ELOVL2: variants seen among roughly 807,000 people sequenced by gnomAD.
ELOVL2 encodes very long chain fatty acid elongase 2.
A neutral mutation model predicts 37.7 loss-of-function variants in ELOVL2; 38 were observed. The observed-to-expected ratio is 1.01, with a 90% CI of 0.78 to 1.32. ELOVL2 has a LOEUF of 1.32. Ranked by LOEUF, ELOVL2 falls within the 40% of genes most tolerant of loss-of-function variation. ELOVL2 has a pLI of 0.00. For missense variants in ELOVL2, 352 were observed against 363.6 expected (o/e 0.97, Z 0.26); for synonymous variants, 115 against 122.3 (o/e 0.94, Z 0.40).
At chr6:11,032,657 C>T (rs1782948016) in intron 1 of ELOVL2, among the ~76,000 whole-genome samples, 1 of 152,206 alleles carries the variant, frequency 6.6e-6, no homozygotes, top group African/African-American at 2.4e-5. Flanking sequence ...AGTGACTTTA[C>T]ATGCCTGTTC....
At chr6:11,009,850 T>C (rs983474762) in intron 2 of ELOVL2, among the ~76,000 whole-genome samples, 5 of 152,042 alleles carry the variant, frequency 3.3e-5, no homozygotes, top group Non-Finnish European at 5.9e-5. Flanking sequence ...CTTAGGTCTT[T>C]AGAATGTCAT....
At chr6:11,032,953 G>A (rs1349249419) in intron 1 of ELOVL2, among the ~76,000 whole-genome samples, 2 of 152,180 alleles carry the variant, frequency 1.3e-5, no homozygotes, top group African/African-American at 4.8e-5. Flanking sequence ...AATTAGAGGT[G>A]TAATTATTTT....
At position 11,020,524 on chromosome 6, in the gene ELOVL2, G is replaced by A. The variant is rs933070994; in HGVS notation, c.4-9715C>T. Among the ~76,000 whole-genome samples, 5 of 152,128 alleles carry A rather than the reference G, an allele frequency of 3.3e-5. No individual in the cohort carries two copies. In the East Asian group the frequency reaches 7.7e-4, roughly 23 times the overall value. On this transcript the variant is annotated intron_variant, in intron 1 of 7. Coordinates refer to ENST00000354666, the MANE Select transcript of ELOVL2 (RefSeq NM_017770.4). ...GTCACTGTCTAATATTTCCATATGG[G>A]TCTTTCCCAGATGCTCAGGGAAGGG...
chr6:11,017,647 T>G (rs955871883), intron 1 of ELOVL2, among the ~76,000 whole-genome samples: 2 of 152,160 alleles, frequency 1.3e-5, no homozygotes, highest in Non-Finnish European at 2.9e-5. Flanking sequence ...TCCTTACATA[T>G]CTCCCCATCA....
At chr6:11,022,707 A>G (rs1419591216) in intron 1 of ELOVL2, among the ~76,000 whole-genome samples, 1 of 152,218 alleles carries the variant, frequency 6.6e-6, no homozygotes, top group Non-Finnish European at 1.5e-5. Flanking sequence ...TAGATTTTAA[A>G]CATTTAAAAT....
chr6:11,005,279 A>G, intron 3 of ELOVL2, 93 bp downstream of exon 3: 1 of 1,134,932 alleles, frequency 8.8e-7, no homozygotes. Flanking sequence ...TCTTAAAGTA[A>G]CCTTGCATAG....
At chr6:10,996,744 G>A (rs1421089861) in intron 4 of ELOVL2, among the ~76,000 whole-genome samples, 1 of 152,050 alleles carries the variant, frequency 6.6e-6, no homozygotes, top group African/African-American at 2.4e-5. Context: ...TTGGGAGGCT[G>A]AGGCAGGTGC....
intron 1 of ELOVL2, among the ~76,000 whole-genome samples, chr6:11,039,677 T>C (rs181858935): frequency 1.2e-4 from 18 of 152,356 alleles, no homozygotes; most frequent in South Asian, 4.1e-4. Flanking sequence ...TTCCCTCTGA[T>C]ATTTCCTGAA....
intron 1 of ELOVL2, among the ~76,000 whole-genome samples, chr6:11,039,888 G>T (rs190961475): frequency 6.6e-6 from 1 of 152,246 alleles, no homozygotes; most frequent in African/African-American, 2.4e-5. Flanking sequence ...CTGACAACAT[G>T]AAAAAGGGCT....
intron 3 of ELOVL2, 140 bp from the exon 4 acceptor site, chr6:11,000,304 A>G: frequency 2.8e-6 from 2 of 725,290 alleles, no homozygotes; most frequent in East Asian, 2.7e-5. Flanking sequence ...TCTCAATCCT[A>G]TCCTCAAACA....
At chr6:10,995,256 C>T (rs1782244551) in intron 4 of ELOVL2, 78 bp from the exon 5 acceptor site, 3 of 1,112,636 alleles carry the variant, frequency 2.7e-6, no homozygotes, top group East Asian at 2.5e-5. Context: ...CGGCCTTCTG[C>T]CTGCTGCCTG....
At chr6:10,990,995 G>A (rs1470066058) in intron 5 of ELOVL2, among the ~76,000 whole-genome samples, 4 of 152,182 alleles carry the variant, frequency 2.6e-5, no homozygotes, top group Admixed American at 1.3e-4. Flanking sequence ...CTGGAGTGGC[G>A]GAGAAACTGG....
intron 7 of ELOVL2, among the ~76,000 whole-genome samples, chr6:10,985,466 G>GA (rs565031682): frequency 6.2e-5 from 4 of 64,766 alleles, no homozygotes; most frequent in Admixed American, 1.9e-4. Context: ...TAATGCCTAG[G>GA]TTTTTATGGT....
chr6:10,990,424 A>C lies in ELOVL2; in HGVS notation c.524T>G (p.Leu175Arg). The C allele has an allele frequency of 6.2e-7, 1 of 1,600,922 alleles. No homozygotes were observed. The highest frequency in any genetic ancestry group is 8.5e-7 in the Non-Finnish European group (1 of 1,176,102). ...PCGQSFFGPT[L>R]NSFIHILMYS... ...CATAAGAATGTGGATAAAACTGTTC[A>C]GTGTTGGTCCAAAGAAACCTATAAA... is the stretch of plus-strand genomic sequence containing the variant. Residue 175 changes from leucine to arginine, a missense_variant, in exon 6 of 8, where the codon CTG becomes CGG. By Grantham distance (102) the Leu-to-Arg change is moderately radical. Coordinates refer to ENST00000354666, the MANE Select transcript of ELOVL2 (RefSeq NM_017770.4).
intron 1 of ELOVL2, among the ~76,000 whole-genome samples, chr6:11,025,073 G>A (rs1782819830): frequency 6.6e-6 from 1 of 152,174 alleles, no homozygotes; most frequent in Non-Finnish European, 1.5e-5. Context: ...ACAAAGCAAT[G>A]TTTTTGTAGG....
At chr6:11,005,327 A>G (rs368958727) in intron 3 of ELOVL2, 45 bp downstream of exon 3, 3 of 1,546,376 alleles carry the variant, frequency 1.9e-6, no homozygotes, top group Non-Finnish European at 2.6e-6. Context: ...TGTTAATAAA[A>G]ACTGCTAGTT....
At chr6:11,000,874 G>C (rs1460713814) in intron 3 of ELOVL2, among the ~76,000 whole-genome samples, 1 of 152,202 alleles carries the variant, frequency 6.6e-6, no homozygotes, top group Non-Finnish European at 1.5e-5. Flanking sequence ...GAAAGTGGTA[G>C]AAGGATGATT....
At chr6:10,999,454 C>A (rs868416118) in intron 4 of ELOVL2, among the ~76,000 whole-genome samples, 2 of 151,516 alleles carry the variant, frequency 1.3e-5, no homozygotes, top group South Asian at 2.1e-4. Context: ...CGGCTCACCA[C>A]AACCTCCGCC....
At position 10,990,287 on chromosome 6, in the gene ELOVL2, T is replaced by C. The variant is rs371668715; in HGVS notation, c.630+31A>G. The C allele has an allele frequency of 1.1e-5, 18 of 1,604,678 alleles. No individual in the cohort carries two copies. The African/African-American group carries it at 1.9e-4, about 17-fold the overall frequency. On this transcript the variant is annotated intron_variant, in intron 6 of 7. Transcript: ENST00000354666. ...TTCCTTTCCCCATCCATAAGCCACA[T>C]GGAGAAAAGCTAAAAGAAGGGACAA...
Sources: gnomAD v4.1 joint callset for allele counts (sites outside exome capture counted in the v4.1 genomes callset) on GRCh38, gnomAD v4.1.1 for gene constraint, MANE v1.5 for transcripts, NCBI Gene and HGNC (gene_info 2026-07-23, HGNC 2026-07-21) for gene names.